Variants in EPB41L1 observed in about 807,000 individuals in gnomAD.
EPB41L1 encodes the protein erythrocyte membrane protein band 4.1 like 1, also known as band 4.1-like protein 1.
Under a neutral mutation model 97.8 loss-of-function variants are expected in EPB41L1, and 29 were observed. The ratio of observed to expected loss-of-function variants is 0.30; its 90% CI spans 0.22 to 0.40. The LOEUF (loss-of-function observed/expected upper bound fraction) is 0.40, where lower values mean the gene tolerates loss of function less well. EPB41L1 is among the 10% of genes least tolerant of loss of function. EPB41L1 has a pLI of 1.00. For missense variants in EPB41L1, 812 were observed against 1,162.3 expected, an observed-to-expected ratio of 0.70 and a Z score of 4.38; for synonymous variants, 383 against 459.2, an observed-to-expected ratio of 0.83 and a Z score of 2.12.
In EPB41L1 at chr20:36,182,163, C is replaced by G. The variant is rs867730204; in HGVS notation, c.491-109C>G. The G allele has an allele frequency of 5.4e-5, 51 of 945,638 alleles. No individual in the cohort carries two copies. The Middle Eastern group carries it at 4.4e-3, about 81-fold the overall frequency. The allele number at this position is 945,638 out of a possible 1,614,324, so 58.6% of individuals were successfully genotyped here. ...TTCCAGCCTTCCTGATTGGATTGTC[C>G]TGAGATTATACATAGGAGAAACTTT... is the stretch of plus-strand genomic sequence containing the variant. On this transcript the variant is annotated intron_variant, in intron 5 of 21. Transcript: ENST00000338074.
chr20:36,207,221 G>A lies in EPB41L1; in HGVS notation c.1669-2267G>A. 2.3e-6 allele frequency: 3 copies of A among 1,282,964 alleles called. No individual in the cohort carries two copies. The highest frequency in any genetic ancestry group is 2.5e-5 in the South Asian group (2 of 80,448). The allele number at this position is 1,282,964 out of a possible 1,614,324, so 79.5% of individuals were successfully genotyped here. ...AGACATGTCCATCTTTCGAAAGCCA[G>A]CCCAGAGCCCAAGGACCAAGTAGGG... On this transcript the variant is annotated intron_variant, in intron 14 of 21. Coordinates refer to ENST00000338074, the MANE Select transcript of EPB41L1 (RefSeq NM_012156.2). This position sits in a 1 kb window ranked among gnomAD's most constrained non-coding sequence, Gnocchi z 4.9.
At chr20:36,137,219 C>T (rs1032708685) in intron 2 of EPB41L1, among the ~76,000 whole-genome samples, 2 of 151,662 alleles carry the variant, frequency 1.3e-5, no homozygotes, top group Non-Finnish European at 2.9e-5. Flanking sequence ...GGACTACAGG[C>T]ATATGCACTA....
chr20:36,121,156 C>T (rs2058740334), intron 2 of EPB41L1, among the ~76,000 whole-genome samples: 1 of 151,826 alleles, frequency 6.6e-6, no homozygotes, highest in Non-Finnish European at 1.5e-5. Context: ...ATCTCTGGAC[C>T]AGAAAGCAGC....
chr20:36,144,926 A>G (rs2059778214), intron 2 of EPB41L1, among the ~76,000 whole-genome samples: 1 of 152,194 alleles, frequency 6.6e-6, no homozygotes, highest in African/African-American at 2.4e-5. Flanking sequence ...CTAGGAAACA[A>G]CTGAGCCAGG....
intron 6 of EPB41L1, among the ~76,000 whole-genome samples, chr20:36,183,990 T>C (rs2061573516): frequency 6.6e-6 from 1 of 152,196 alleles, no homozygotes; most frequent in African/African-American, 2.4e-5. Flanking sequence ...ATCCCAGTAC[T>C]TTGGGAGACA....
intron 6 of EPB41L1, among the ~76,000 whole-genome samples, 174 bp downstream of exon 6, chr20:36,182,521 A>C (rs532393832): frequency 1.3e-5 from 2 of 152,340 alleles, no homozygotes; most frequent in East Asian, 3.9e-4. Context: ...AAACACAGTG[A>C]TGCAAGCACA....
intron 1 of EPB41L1, 24 bp from the exon 2 acceptor site, chr20:36,173,740 A>G (rs762083362): frequency 1.9e-6 from 3 of 1,611,614 alleles, no homozygotes; most frequent in Non-Finnish European, 2.5e-6. Flanking sequence ...TCCCTGTCAC[A>G]TGATCTCCTT....
At chr20:36,215,262 G>A (rs1379480399) in intron 17 of EPB41L1, among the ~76,000 whole-genome samples, 1 of 152,012 alleles carries the variant, frequency 6.6e-6, no homozygotes, top group Non-Finnish European at 1.5e-5. Context: ...ATCAATAAGT[G>A]GTAGTGCCAG....
intron 2 of EPB41L1, among the ~76,000 whole-genome samples, chr20:36,138,382 C>T (rs543377110): frequency 8.6e-5 from 13 of 151,928 alleles, no homozygotes; most frequent in African/African-American, 3.1e-4. Context: ...TCTCCTGCCT[C>T]AGCCTCCCGA....
rs2147270125 is a variant in EPB41L1 at position 36,232,327 on chromosome 20, G to T, written c.*2987G>T. The T allele has an allele frequency of 6.2e-6, 2 of 324,828 alleles. No individual in the cohort carries two copies. The highest frequency in any genetic ancestry group is 9.6e-5 in the East Asian group (2 of 20,842). 20.1% of individuals were successfully genotyped at this position (324,828 alleles called of 1,614,324 possible). The stretch of plus-strand genomic sequence containing the variant: ...CCCTGAGGGCGGTTAGGAGTTCTGG[G>T]TGACCATCCTGGCTCAGCTCCTAAC... On this transcript the variant is annotated 3_prime_UTR_variant, in exon 22 of 22. Transcript: ENST00000338074.
intron 17 of EPB41L1, 76 bp from the exon 18 acceptor site, chr20:36,218,800 C>T (rs544734214): frequency 7.5e-7 from 1 of 1,337,750 alleles, no homozygotes; most frequent in South Asian, 1.2e-5. Flanking sequence ...GTGATAGCTA[C>T]ATGGCCACAT....
intron 1 of EPB41L1, among the ~76,000 whole-genome samples, chr20:36,102,352 G>A (rs965015302): frequency 2.0e-5 from 3 of 152,204 alleles, no homozygotes; most frequent in African/African-American, 7.2e-5. Context: ...CTTTAGAACT[G>A]CTGTCTTCAG....
In EPB41L1 at chr20:36,092,921, T is replaced by G. The variant is rs1427217343; in HGVS notation, c.-65+1309T>G. On this transcript the variant is annotated intron_variant, in intron 1 of 19. Coordinates refer to the EPB41L1 transcript ENST00000202028. The surrounding 1 kb of genome is among the most constrained non-coding windows in gnomAD (Gnocchi z 7.0). ...AGGGCGGCGGGCTCGATTCCCGATC[T>G]TTGGGCACTGACAGGCCGGCGGGCC... The G allele has an allele frequency of 6.6e-6, 1 of 151,902 alleles. No homozygotes were observed. Among genetic ancestry groups the G allele is most frequent in the Non-Finnish European group, 1.5e-5 (1 of 67,962 alleles). The allele number at this position is 151,902 out of a possible 1,614,324, so 9.4% of individuals were successfully genotyped here.
At chr20:36,118,657 C>G (rs2058660104) in intron 2 of EPB41L1, among the ~76,000 whole-genome samples, 1 of 152,138 alleles carries the variant, frequency 6.6e-6, no homozygotes, top group South Asian at 2.1e-4. Context: ...AATTATATCT[C>G]AATTTTTTTA....
At chr20:36,130,766 C>G (rs1451156924) in intron 2 of EPB41L1, among the ~76,000 whole-genome samples, 2 of 143,174 alleles carry the variant, frequency 1.4e-5, no homozygotes, top group East Asian at 3.9e-4. Context: ...TTCTCTCTCT[C>G]TCTATTTGAT....
chr20:36,154,393 G>C (rs947226318), upstream of EPB41L1, among the ~76,000 whole-genome samples: 4 of 151,710 alleles, frequency 2.6e-5, no homozygotes, highest in Non-Finnish European at 4.4e-5. This position sits in a 1 kb window ranked among gnomAD's most constrained non-coding sequence, Gnocchi z 5.5. Flanking sequence ...GGACCAGGGT[G>C]GGGGCAGCCG....
rs775874952 is a variant in EPB41L1 at position 36,194,181 on chromosome 20, A to G, written c.1301-31A>G. ...GTCTGTTCTCTGGGAGGGGTCTCAC[A>G]TGGTTGCCTGGCTATCTCCACCCAC... On this transcript the variant is annotated intron_variant, in intron 11 of 21. Transcript: ENST00000338074. The G allele has an allele frequency of 2.5e-6, 4 of 1,612,308 alleles. No homozygotes were observed. In the Admixed American group the frequency reaches 5.0e-5, roughly 20 times the overall value.
In EPB41L1 at chr20:36,104,405, G is replaced by A. The variant is rs79847371; in HGVS notation, c.-64-8021G>A. ...TTCCCTGCAGAAGGGGCATAGGGTC[G>A]GCACCCCGGATGGAGCAGGAACTTC... is the stretch of plus-strand genomic sequence containing the variant. On this transcript the variant is annotated intron_variant, in intron 1 of 19. Coordinates refer to the EPB41L1 transcript ENST00000202028. Among the ~76,000 whole-genome samples, 1,671 of 152,290 alleles carry A rather than the reference G, an allele frequency of 0.011. 63 individuals are homozygous for A. The East Asian group carries it at 0.13, about 12-fold the overall frequency.
At chr20:36,164,734 G>A (rs151338319) in intron 1 of EPB41L1, among the ~76,000 whole-genome samples, 53 of 152,176 alleles carry the variant, frequency 3.5e-4, no homozygotes, top group Non-Finnish European at 5.9e-4. Context: ...TCTCCAGGCT[G>A]GAGTTCAGTG....
Sources: allele counts gnomAD v4.1 joint callset (sites outside exome capture counted in the v4.1 genomes callset), GRCh38; gene constraint gnomAD v4.1.1; non-coding constraint Gnocchi (gnomAD v3.1); transcripts MANE v1.5; gene names NCBI Gene and HGNC (gene_info 2026-07-23, HGNC 2026-07-21).